Variants in LZTFL1 observed in about 807,000 individuals in gnomAD.
The protein encoded by LZTFL1 is leucine zipper transcription factor like 1.
In LZTFL1, 25 loss-of-function variants were observed where a neutral mutation model predicts 45.9. The ratio of observed to expected loss-of-function variants is 0.54; its 90% CI spans 0.40 to 0.76. The LOEUF (loss-of-function observed/expected upper bound fraction) is 0.76. LZTFL1 is among the 30% of genes least tolerant of loss of function. The probability of loss-of-function intolerance (pLI) is 0.00; values close to 1 mark genes in which losing one functional copy is unlikely to be tolerated. For synonymous variants in LZTFL1, 93 were observed against 117.4 expected, an observed-to-expected ratio of 0.79 and a Z score of 1.35; for missense variants, 277 against 331.1, an observed-to-expected ratio of 0.84 and a Z score of 1.27.
At chr3:45,866,078 G>GA (rs1701573804) in intron 2 of LZTFL1, among the ~76,000 whole-genome samples, 2 of 152,188 alleles carry the variant, frequency 1.3e-5, no homozygotes, top group African/African-American at 4.8e-5. Context: ...TTCTAGAAAT[G>GA]CAAACCAAAC....
intron 2 of LZTFL1, among the ~76,000 whole-genome samples, chr3:45,837,138 G>A (rs1700986890): frequency 1.3e-5 from 2 of 152,148 alleles, no homozygotes; most frequent in Admixed American, 6.5e-5. Context: ...GTTTCATCTA[G>A]CCAGCAGAAT....
chr3:45,827,321 G>C (rs144436112), intron 9 of LZTFL1, 35 bp downstream of exon 9: 20 of 1,432,824 alleles, frequency 1.4e-5, no homozygotes, highest in Middle Eastern at 1.7e-4. Context: ...TCAATCCAGA[G>C]AGAGAAATCC....
At position 45,835,780 on chromosome 3, in the gene LZTFL1, C is replaced by T. The variant is rs756898622; in HGVS notation, c.133G>A (p.Val45Met). ...TCATCTATGGTGAAGGTGTCCTCCACCAGCCTGAAAAACAACCATGATCCA... is the reference window on the plus strand; with the variant it reads ...TCATCTATGGTGAAGGTGTCCTCCATCAGCCTGAAAAACAACCATGATCCA... ...CFQDLKESRL[V>M]EDTFTIDEVS... is the part of the protein sequence containing the mutation. Residue 45 changes from valine to methionine, a missense_variant, in exon 3 of 10, where the codon GTG (valine) becomes ATG (methionine). Val to Met is a conservative substitution (Grantham distance 21). Coordinates refer to ENST00000296135, the MANE Select transcript of LZTFL1 (RefSeq NM_020347.4). 1 of 1,593,842 alleles carries T rather than the reference C, an allele frequency of 6.3e-7. No individual in the cohort carries two copies. Among genetic ancestry groups the T allele is most frequent in the South Asian group, 1.1e-5 (1 of 88,382 alleles).
chr3:45,853,792 T>C lies in LZTFL1; in HGVS notation c.-49+1194A>G, dbSNP rs546848083. ...AACAATGACAAACCATAAACAATGA[T>C]AATCCATAAACAATGCTAAACCAAC... On this transcript the variant is annotated intron_variant, in intron 4 of 4. Transcript: ENST00000472635. 2.0e-5 allele frequency among the ~76,000 whole-genome samples: 3 copies of C among 152,356 alleles called. 1 individual carries two copies. The South Asian group carries it at 6.2e-4, about 32-fold the overall frequency.
At chr3:45,842,224 C>A (rs1701139962), upstream of LZTFL1, 11 of 1,370,958 alleles carry the variant, frequency 8.0e-6, no homozygotes, top group Non-Finnish European at 9.6e-6. Flanking sequence ...CTGCCACATG[C>A]GCATTGGCTT....
At chr3:45,861,741 G>C (rs9868648) in intron 2 of LZTFL1, among the ~76,000 whole-genome samples, 10,488 of 152,236 alleles carry the variant, frequency 0.069, 436 homozygotes, top group Non-Finnish European at 0.083. Flanking sequence ...GCACATAACT[G>C]ATATGAATTC....
At chr3:45,873,714 T>TTCCACAAA (rs1701705077) in intron 2 of LZTFL1, among the ~76,000 whole-genome samples, 1 of 152,122 alleles carries the variant, frequency 6.6e-6, no homozygotes, top group Non-Finnish European at 1.5e-5. Context: ...ACCTCCATCT[T>TTCCACAAA]TCCACAAATT....
intron 2 of LZTFL1, among the ~76,000 whole-genome samples, chr3:45,908,642 G>A (rs2125771318): frequency 6.6e-6 from 1 of 152,338 alleles, no homozygotes; most frequent in Non-Finnish European, 1.5e-5. Context: ...GGGGAGAAAG[G>A]GGAGGAGGGC....
chr3:45,895,021 G>A, intron 2 of LZTFL1: 3 of 1,487,008 alleles, frequency 2.0e-6, no homozygotes, highest in Non-Finnish European at 2.8e-6. Context: ...AGGGGGTGTG[G>A]GAAGGATCCA....
chr3:45,899,175 C>A (rs928016214), intron 2 of LZTFL1, among the ~76,000 whole-genome samples: 2 of 152,218 alleles, frequency 1.3e-5, no homozygotes, highest in African/African-American at 4.8e-5. Context: ...TCAAAACAAA[C>A]AAACAAATAA....
At chr3:45,911,015 C>A (rs540166066) in intron 2 of LZTFL1, among the ~76,000 whole-genome samples, 5 of 152,292 alleles carry the variant, frequency 3.3e-5, no homozygotes, top group African/African-American at 1.2e-4. Flanking sequence ...CAGCACACGG[C>A]AGCTTCAGCA....
intron 2 of LZTFL1, among the ~76,000 whole-genome samples, chr3:45,882,780 A>C (rs1209862543): frequency 1.3e-5 from 2 of 148,960 alleles, no homozygotes; most frequent in Non-Finnish European, 3.0e-5. Flanking sequence ...CACTTGGTCC[A>C]TAACCCAAAG....
intron 3 of LZTFL1, chr3:45,835,368 C>T (rs1700938523): frequency 6.3e-6 from 3 of 475,484 alleles, no homozygotes; most frequent in African/African-American, 2.0e-5. Context: ...TCATAAATCT[C>T]GATGGCCTTT....
chr3:45,903,532 T>C (rs932422754), intron 2 of LZTFL1, among the ~76,000 whole-genome samples: 13 of 152,258 alleles, frequency 8.5e-5, no homozygotes, highest in African/African-American at 3.1e-4. Flanking sequence ...GCCTTGTGGA[T>C]CGCTGTGGTT....
At chr3:45,894,415 G>T (rs1317158791) in intron 2 of LZTFL1, among the ~76,000 whole-genome samples, 1 of 152,182 alleles carries the variant, frequency 6.6e-6, no homozygotes, top group Non-Finnish European at 1.5e-5. Flanking sequence ...TTCCTGGGGA[G>T]TCCAGAGCCC....
intron 2 of LZTFL1, 119 bp downstream of exon 2, chr3:45,837,808 C>A: frequency 9.0e-7 from 1 of 1,113,340 alleles, no homozygotes; most frequent in Non-Finnish European, 1.3e-6. Flanking sequence ...CTGCTCTTAG[C>A]AAATAATTGA....
chr3:45,830,930 C>G lies in LZTFL1; in HGVS notation c.583G>C (p.Asp195His), dbSNP rs781428652. 31 of 1,613,778 alleles carry G rather than the reference C, an allele frequency of 1.9e-5. No individual in the cohort carries two copies. The Admixed American group carries it at 3.3e-4, about 17-fold the overall frequency. Residue 195 changes from aspartate (D) to histidine (H), a missense_variant, in exon 7 of 10, where the codon GAT (aspartate) becomes CAT (histidine). Physicochemically the swap from Asp to His is moderately conservative, Grantham distance 81. Transcript: ENST00000296135. ...TGTTTCACCTTTTGATTTCCTTGAT[C>G]AAGCTGTAAATCTTGCAGTGCTTTT... ...LEKALQDLQL[D>H]QGNQKDFIKA...
chr3:45,847,519 A>G (rs1701236964), intron 4 of LZTFL1, among the ~76,000 whole-genome samples: 1 of 152,198 alleles, frequency 6.6e-6, no homozygotes, highest in Non-Finnish European at 1.5e-5. Flanking sequence ...CATGGAACTC[A>G]TGGGGTTTTG....
At chr3:45,885,507 G>C (rs2125732479) in intron 2 of LZTFL1, among the ~76,000 whole-genome samples, 1 of 152,016 alleles carries the variant, frequency 6.6e-6, no homozygotes, top group South Asian at 2.1e-4. Flanking sequence ...TACTAGATTT[G>C]CCCCAATTTG....
Sources: allele counts gnomAD v4.1 joint callset (sites outside exome capture counted in the v4.1 genomes callset), GRCh38; gene constraint gnomAD v4.1.1; transcripts MANE v1.5; gene names NCBI Gene and HGNC (gene_info 2026-07-23, HGNC 2026-07-21).